Variants in TENM3 observed in about 807,000 individuals in gnomAD.
TENM3 encodes teneurin transmembrane protein 3, also known as teneurin-3.
TENM3 carries 63 observed loss-of-function variants against 255.1 expected under a neutral mutation model. The observed-to-expected ratio is 0.25, with a 90% CI of 0.20 to 0.30. TENM3 has a LOEUF of 0.30. TENM3 is among the 10% of genes least tolerant of loss of function. The pLI, the probability that TENM3 is intolerant of heterozygous loss-of-function variation, is 1.00. For missense variants in TENM3, 2,929 were observed against 3,461.1 expected (o/e 0.85, Z 3.86); for synonymous variants, 1,306 against 1,322.3 (o/e 0.99, Z 0.27).
At chr4:181,461,979 C>T in the TENM3 span, among the ~76,000 whole-genome samples, 327 of 152,212 alleles carry the variant, frequency 2.1e-3, 2 homozygotes, top group African/African-American at 7.4e-3. Context: ...CTCTGTTGTA[C>T]GTATTCCTTT....
At chr4:182,027,603 G>A in the TENM3 span, among the ~76,000 whole-genome samples, 1 of 150,860 alleles carries the variant, frequency 6.6e-6, no homozygotes, top group African/African-American at 2.4e-5. Flanking sequence ...AATACTCGCT[G>A]TGGGTGTGTC....
chr4:181,795,935 A>T, the TENM3 span, among the ~76,000 whole-genome samples: 1 of 152,224 alleles, frequency 6.6e-6, no homozygotes, highest in Non-Finnish European at 1.5e-5. Context: ...GCACAGAAGC[A>T]GAGAGACTCA....
At chr4:181,604,483 C>T in the TENM3 span, among the ~76,000 whole-genome samples, 1 of 152,074 alleles carries the variant, frequency 6.6e-6, no homozygotes. Flanking sequence ...CTTCCCCCAC[C>T]CTCTTACTTA....
chr4:181,949,970 C>T, the TENM3 span, among the ~76,000 whole-genome samples: 1 of 152,190 alleles, frequency 6.6e-6, no homozygotes, highest in Non-Finnish European at 1.5e-5. Context: ...GAAATAGCAA[C>T]CTCACTTTTT....
chr4:181,870,118 ATGTTT>A, the TENM3 span, among the ~76,000 whole-genome samples: 1 of 152,092 alleles, frequency 6.6e-6, no homozygotes, highest in Non-Finnish European at 1.5e-5. Flanking sequence ...ATTCAACGTG[ATGTTT>A]TTCAGTTCCA....
At chr4:181,632,687 T>C in the TENM3 span, among the ~76,000 whole-genome samples, 7 of 152,312 alleles carry the variant, frequency 4.6e-5, no homozygotes, top group African/African-American at 1.7e-4. Context: ...CCCATGTTAG[T>C]AGATGTTTAT....
At chr4:182,044,969 A>G in the TENM3 span, among the ~76,000 whole-genome samples, 1 of 152,254 alleles carries the variant, frequency 6.6e-6, no homozygotes, top group Non-Finnish European at 1.5e-5. Context: ...AAAAAACATC[A>G]TAAGCCTCTC....
chr4:181,988,914 G>A, the TENM3 span, among the ~76,000 whole-genome samples: 3 of 151,936 alleles, frequency 2.0e-5, no homozygotes, highest in African/African-American at 7.3e-5. Context: ...TGCACATTAA[G>A]AGTCTTCTGA....
the TENM3 span, among the ~76,000 whole-genome samples, chr4:181,484,565 A>G: frequency 6.6e-6 from 1 of 152,174 alleles, no homozygotes; most frequent in Non-Finnish European, 1.5e-5. Flanking sequence ...CATAGTAATT[A>G]GGGCTTTGTA....
chr4:182,447,466 T>C (rs781337328), intron 3 of TENM3, among the ~76,000 whole-genome samples: 16 of 152,188 alleles, frequency 1.1e-4, no homozygotes, highest in Non-Finnish European at 2.2e-4. Flanking sequence ...AAAGCTAGTA[T>C]GTTCAAGAAG....
intron 3 of TENM3, among the ~76,000 whole-genome samples, chr4:182,551,846 C>T (rs1327540655): frequency 2.0e-5 from 3 of 151,640 alleles, no homozygotes; most frequent in East Asian, 2.0e-4. Context: ...CATAGTGAGA[C>T]CCCCATCCCT....
rs767206324 is a variant in TENM3 at position 182,738,509 on chromosome 4, C to T, written c.3344C>T (p.Thr1115Ile). 1.2e-6 allele frequency: 2 copies of T among 1,612,952 alleles called. No homozygotes were observed. Among genetic ancestry groups the T allele is most frequent in the Non-Finnish European group, 1.7e-6 (2 of 1,179,508 alleles). Residue 1115 changes from threonine (T) to isoleucine (I), a missense_variant, in exon 18 of 28, where the codon ACA becomes ATA. Around this residue, in one of 6 missense-constraint regions of TENM3, gnomAD observed 1,608 missense variants for 1,884.4 expected, o/e 0.85. Coordinates refer to ENST00000511685, the MANE Select transcript of TENM3 (RefSeq NM_001080477.4). ...GATGCGTCCAACATGGGTGGCTGGA[C>T]ATTAGATAAACATCACGTGCTGGAT... ...ELDASNMGGW[T>I]LDKHHVLDVQ... is the part of the protein sequence containing the mutation.
the TENM3 span, among the ~76,000 whole-genome samples, chr4:181,447,615 G>A: frequency 6.6e-6 from 1 of 152,190 alleles, no homozygotes; most frequent in South Asian, 2.1e-4. Context: ...TTCTCCAGGT[G>A]AAGAGCTGCT....
At chr4:181,530,967 T>C in the TENM3 span, among the ~76,000 whole-genome samples, 1 of 152,308 alleles carries the variant, frequency 6.6e-6, no homozygotes, top group African/African-American at 2.4e-5. Context: ...TTCCTTTTTT[T>C]TAATGTCAGC....
the TENM3 span, among the ~76,000 whole-genome samples, chr4:181,908,245 A>G: frequency 7.2e-5 from 11 of 152,292 alleles, no homozygotes; most frequent in African/African-American, 2.6e-4. Flanking sequence ...TTCAATAATT[A>G]GGGACTGATT....
intron 18 of TENM3, among the ~76,000 whole-genome samples, chr4:182,740,090 T>C (rs1033314813): frequency 6.6e-6 from 1 of 152,132 alleles, no homozygotes; most frequent in Non-Finnish European, 1.5e-5. Flanking sequence ...AATAATAGTC[T>C]GAGAAAACCA....
At position 182,203,103 on chromosome 4, in the gene TENM3, G is replaced by A. The variant is rs533062869; in HGVS notation, c.-76+58349G>A. On this transcript the variant is annotated intron_variant, in intron 1 of 2. Coordinates refer to the TENM3 transcript ENST00000512480. ...GTAGTGGTGGGTGCCTGTAATCCCAGCTATTCGGGAGGCTGAGGCAGGAGA... is the reference window on the plus strand; with the variant it reads ...GTAGTGGTGGGTGCCTGTAATCCCAACTATTCGGGAGGCTGAGGCAGGAGA... 3.0e-4 allele frequency among the ~76,000 whole-genome samples: 45 copies of A among 152,186 alleles called. No homozygotes were observed. In the South Asian group the frequency reaches 7.7e-3, roughly 26 times the overall value.
At chr4:181,780,161 A>G in the TENM3 span, among the ~76,000 whole-genome samples, 1 of 152,202 alleles carries the variant, frequency 6.6e-6, no homozygotes, top group South Asian at 2.1e-4. Flanking sequence ...CAGTAATGGG[A>G]TGGCTGGGTC....
chr4:182,599,126 A>G (rs532637819), intron 3 of TENM3, among the ~76,000 whole-genome samples: 15 of 152,266 alleles, frequency 9.9e-5, no homozygotes, highest in African/African-American at 3.6e-4. Flanking sequence ...GCTATCAGCA[A>G]TTTCTTGAAA....
Sources: gnomAD v4.1 joint callset for allele counts (sites outside exome capture counted in the v4.1 genomes callset) on GRCh38, gnomAD v4.1.1 for gene constraint, gnomAD v4.1.1 regional missense constraint, MANE v1.5 for transcripts, NCBI Gene and HGNC (gene_info 2026-07-23, HGNC 2026-07-21) for gene names.